Variants in RALGAPA2 observed in about 807,000 individuals in gnomAD.
RALGAPA2 encodes the protein Ral GTPase activating protein catalytic subunit alpha 2.
Under a neutral mutation model 230.4 loss-of-function variants are expected in RALGAPA2, and 139 were observed. The ratio of observed to expected loss-of-function variants is 0.60; its 90% CI spans 0.53 to 0.69. The LOEUF (loss-of-function observed/expected upper bound fraction) is 0.69. Ranked by LOEUF, RALGAPA2 falls within the 30% of genes least tolerant of loss-of-function variation. The pLI, the probability that RALGAPA2 is intolerant of heterozygous loss-of-function variation, is 0.00. For synonymous variants in RALGAPA2, 847 were observed against 837.8 expected, an observed-to-expected ratio of 1.01 and a Z score of -0.19; for missense variants, 2,163 against 2,276.0, an observed-to-expected ratio of 0.95 and a Z score of 1.01.
At chr20:20,612,207 A>G (rs1283083142) in intron 13 of RALGAPA2, among the ~76,000 whole-genome samples, 2 of 152,230 alleles carry the variant, frequency 1.3e-5, no homozygotes, top group Non-Finnish European at 2.9e-5. Context: ...TATTGCTCAT[A>G]TCAGAGTATC....
At chr20:20,544,765 C>G (rs1319814046) in intron 24 of RALGAPA2, among the ~76,000 whole-genome samples, 2 of 151,574 alleles carry the variant, frequency 1.3e-5, no homozygotes, top group African/African-American at 4.9e-5. Context: ...CAGACTAACA[C>G]AGAAACAGAA....
At chr20:20,620,703 T>C (rs2066292654) in intron 10 of RALGAPA2, 73 bp from the exon 11 acceptor site, 4 of 1,269,206 alleles carry the variant, frequency 3.2e-6, no homozygotes, top group Admixed American at 2.7e-5. Context: ...TCACGGACAT[T>C]CCCAATGAGC....
chr20:20,630,042 G>C (rs906755736), intron 9 of RALGAPA2, among the ~76,000 whole-genome samples: 1 of 152,198 alleles, frequency 6.6e-6, no homozygotes, highest in Non-Finnish European at 1.5e-5. Flanking sequence ...ATGACTAAGC[G>C]GCAGCTTGAC....
At chr20:20,475,852 A>G (rs111535637) in intron 36 of RALGAPA2, among the ~76,000 whole-genome samples, 1 of 152,160 alleles carries the variant, frequency 6.6e-6, no homozygotes, top group African/African-American at 2.4e-5. Flanking sequence ...ATGTATATGA[A>G]AAGTCCAAAG....
chr20:20,557,171 G>A (rs573831775), intron 23 of RALGAPA2, among the ~76,000 whole-genome samples: 4 of 152,164 alleles, frequency 2.6e-5, no homozygotes, highest in East Asian at 3.9e-4. Context: ...TTAGCCGGGC[G>A]TGGTGGTGGG....
chr20:20,408,481 CA>C (rs1243716265), intron 38 of RALGAPA2, among the ~76,000 whole-genome samples: 1 of 152,132 alleles, frequency 6.6e-6, no homozygotes, highest in Admixed American at 6.5e-5. Context: ...TTCTAAAAAG[CA>C]AAGATTTACA....
chr20:20,518,123 G>C (rs141673687), intron 31 of RALGAPA2, among the ~76,000 whole-genome samples: 1 of 151,640 alleles, frequency 6.6e-6, no homozygotes, highest in Non-Finnish European at 1.5e-5. Context: ...TGGTGCGATC[G>C]TGGCTCATTG....
intron 31 of RALGAPA2, among the ~76,000 whole-genome samples, chr20:20,520,450 A>C (rs1390599682): frequency 6.6e-6 from 1 of 152,128 alleles, no homozygotes; most frequent in East Asian, 1.9e-4. Context: ...CAAATCTAAA[A>C]CTGTAGCAAG....
chr20:20,661,159 C>T (rs1162008075), intron 3 of RALGAPA2, among the ~76,000 whole-genome samples: 1 of 151,932 alleles, frequency 6.6e-6, no homozygotes, highest in East Asian at 1.9e-4. Flanking sequence ...TCGAATTTTG[C>T]TTTATTTATT....
intron 30 of RALGAPA2, among the ~76,000 whole-genome samples, chr20:20,523,031 T>G (rs575899180): frequency 6.6e-6 from 1 of 152,060 alleles, no homozygotes; most frequent in African/African-American, 2.4e-5. Flanking sequence ...CAACCACAAT[T>G]AGGTGTTTTT....
At chr20:20,535,713 C>A in intron 26 of RALGAPA2, 32 bp downstream of exon 26, 1 of 1,531,972 alleles carries the variant, frequency 6.5e-7, no homozygotes, top group South Asian at 1.3e-5. Flanking sequence ...TCTTAAAATT[C>A]TAAAATAGTT....
chr20:20,675,794 A>T (rs763133088), intron 3 of RALGAPA2, among the ~76,000 whole-genome samples: 1 of 152,170 alleles, frequency 6.6e-6, no homozygotes, highest in Non-Finnish European at 1.5e-5. Flanking sequence ...ATATGTATTT[A>T]TATATATGAG....
chr20:20,537,492 C>T (rs929221522), intron 24 of RALGAPA2, among the ~76,000 whole-genome samples: 1 of 151,696 alleles, frequency 6.6e-6, no homozygotes, highest in African/African-American at 2.4e-5. Context: ...TGGTGGTGGG[C>T]ACCTGTAATC....
Position 20,396,063 on chromosome 20 carries a change from C to G in RALGAPA2, c.*35+632G>C, listed in dbSNP as rs150194633. Among the ~76,000 whole-genome samples, 811 of 152,342 alleles carry G rather than the reference C, an allele frequency of 5.3e-3. 5 individuals are homozygous for G. Among genetic ancestry groups the G allele is most frequent in the African/African-American group, 0.019 (772 of 41,584 alleles). ...GGCGGCTGCCATCCATCAGAGCGCT[C>G]TGGGCAGGGCCTGGACCCCAGACCC... On this transcript the variant is annotated intron_variant, in intron 39 of 39. Coordinates refer to ENST00000202677, the MANE Select transcript of RALGAPA2 (RefSeq NM_020343.4).
intron 18 of RALGAPA2, among the ~76,000 whole-genome samples, chr20:20,588,098 A>G (rs550454968): frequency 4.5e-4 from 69 of 152,222 alleles, no homozygotes; most frequent in Non-Finnish European, 4.3e-4. Flanking sequence ...TTTATTCTAT[A>G]AGTCATTAAT....
chr20:20,438,901 G>T (rs999142663), intron 37 of RALGAPA2, among the ~76,000 whole-genome samples: 12 of 152,170 alleles, frequency 7.9e-5, no homozygotes, highest in Non-Finnish European at 1.8e-4. Flanking sequence ...GCGTAAAATT[G>T]TGTTGTTCTT....
chr20:20,655,651 G>A (rs1048893167), intron 3 of RALGAPA2, among the ~76,000 whole-genome samples: 3 of 152,160 alleles, frequency 2.0e-5, no homozygotes, highest in African/African-American at 4.8e-5. Flanking sequence ...CCTCATGGGA[G>A]CAGTGTGGTC....
chr20:20,708,374 T>C (rs147385568), intron 1 of RALGAPA2, among the ~76,000 whole-genome samples: 258 of 152,294 alleles, frequency 1.7e-3, no homozygotes, highest in African/African-American at 6.0e-3. Context: ...TCACCTGGAA[T>C]TGTAATAATC....
intron 31 of RALGAPA2, among the ~76,000 whole-genome samples, chr20:20,514,540 C>T (rs528555694): frequency 6.6e-6 from 1 of 152,246 alleles, no homozygotes; most frequent in African/African-American, 2.4e-5. Context: ...AGATTGGTGG[C>T]CTGAGCTGCC....
Sources: gnomAD v4.1 joint callset for allele counts (sites outside exome capture counted in the v4.1 genomes callset) on GRCh38, gnomAD v4.1.1 for gene constraint, MANE v1.5 for transcripts, NCBI Gene and HGNC (gene_info 2026-07-23, HGNC 2026-07-21) for gene names.